Variants in DCC observed in about 807,000 individuals in gnomAD.
DCC encodes netrin receptor DCC.
In DCC, 58 loss-of-function variants were observed where a neutral mutation model predicts 172.5. That is an observed-to-expected ratio of 0.34 (90% CI 0.27 to 0.42). DCC has a LOEUF of 0.42. DCC is among the 10% of genes least tolerant of loss of function. The pLI is 1.00. For missense variants in DCC, 1,740 were observed against 1,791.0 expected, an observed-to-expected ratio of 0.97 and a Z score of 0.51; for synonymous variants, 709 against 644.5, an observed-to-expected ratio of 1.10 and a Z score of -1.52.
At chr18:53,076,402 C>G (rs765053197) in intron 7 of DCC, among the ~76,000 whole-genome samples, 6 of 152,058 alleles carry the variant, frequency 3.9e-5, no homozygotes, top group Non-Finnish European at 8.8e-5. Flanking sequence ...TAGACATATA[C>G]TAGACCCTAG....
At chr18:52,411,929 C>G (rs772268294) in intron 1 of DCC, among the ~76,000 whole-genome samples, 3 of 152,124 alleles carry the variant, frequency 2.0e-5, no homozygotes, top group Non-Finnish European at 4.4e-5. Context: ...TTCCATGCAT[C>G]TCAGCCCACG....
At chr18:53,289,427 A>C (rs2056974515) in intron 12 of DCC, among the ~76,000 whole-genome samples, 1 of 152,084 alleles carries the variant, frequency 6.6e-6, no homozygotes. Context: ...TCAAAAGGGG[A>C]CTATAGTATG....
chr18:52,591,178 T>C (rs996474277), intron 1 of DCC, among the ~76,000 whole-genome samples: 8 of 152,288 alleles, frequency 5.3e-5, no homozygotes, highest in Non-Finnish European at 1.0e-4. Context: ...TAATCCAATA[T>C]AGGAAAATTC....
At chr18:52,530,663 G>A (rs1332423139) in intron 1 of DCC, among the ~76,000 whole-genome samples, 3 of 152,114 alleles carry the variant, frequency 2.0e-5, no homozygotes, top group Non-Finnish European at 4.4e-5. Context: ...CAGGGAAAAT[G>A]AATGAAATTA....
At chr18:52,778,504 A>T (rs2037475707) in intron 2 of DCC, among the ~76,000 whole-genome samples, 1 of 152,198 alleles carries the variant, frequency 6.6e-6, no homozygotes, top group Admixed American at 6.5e-5. Context: ...AAGACATTCT[A>T]AATCCAAACA....
chr18:52,930,636 TATTAA>T lies in DCC; in HGVS notation c.985+5272_985+5276del, dbSNP rs573011347. Among the ~76,000 whole-genome samples, 542 of 152,312 alleles carry T rather than the reference TATTAA, an allele frequency of 3.6e-3. 1 individual carries two copies. Among genetic ancestry groups the T allele is most frequent in the Non-Finnish European group, 5.8e-3 (392 of 68,016 alleles). On this transcript the variant is annotated intron_variant, in intron 5 of 28. Transcript: ENST00000442544. ...GTCTCCTTGTAAGTATTTATATTCC[TATTAA>T]ATTAAGATTTCATTTTATAGTTTTC...
intron 24 of DCC, among the ~76,000 whole-genome samples, chr18:53,466,188 G>C (rs1218239726): frequency 6.6e-6 from 1 of 152,176 alleles, no homozygotes; most frequent in Non-Finnish European, 1.5e-5. Flanking sequence ...CATAACAGGT[G>C]CAATCACAGG....
chr18:52,660,294 C>T (rs1180854914), intron 1 of DCC, among the ~76,000 whole-genome samples: 1 of 152,100 alleles, frequency 6.6e-6, no homozygotes, highest in Non-Finnish European at 1.5e-5. Context: ...CTTTTGTGTG[C>T]AAAGTTCCTC....
At chr18:53,449,140 G>A (rs2045374197) in intron 22 of DCC, among the ~76,000 whole-genome samples, 1 of 152,132 alleles carries the variant, frequency 6.6e-6, no homozygotes, top group Non-Finnish European at 1.5e-5. Flanking sequence ...GGTTATTAAA[G>A]AAAAATAATC....
intron 5 of DCC, among the ~76,000 whole-genome samples, chr18:52,982,467 C>T (rs138402029): frequency 6.6e-6 from 1 of 152,260 alleles, no homozygotes; most frequent in African/African-American, 2.4e-5. Context: ...GTTCATTGCC[C>T]TTCTTGCCTG....
intron 1 of DCC, among the ~76,000 whole-genome samples, chr18:52,735,145 A>G (rs1391721552): frequency 1.3e-5 from 2 of 152,090 alleles, no homozygotes; most frequent in Non-Finnish European, 2.9e-5. Flanking sequence ...CCTCCATGTC[A>G]GACACTCAGG....
At chr18:52,949,431 CAAG>C (rs1371052494) in intron 5 of DCC, among the ~76,000 whole-genome samples, 1 of 152,196 alleles carries the variant, frequency 6.6e-6, no homozygotes, top group African/African-American at 2.4e-5. Context: ...AAAATGTAAT[CAAG>C]AAGAACAGTT....
At chr18:53,131,229 G>A (rs1214501848) in intron 7 of DCC, among the ~76,000 whole-genome samples, 1 of 151,774 alleles carries the variant, frequency 6.6e-6, no homozygotes, top group Non-Finnish European at 1.5e-5. Context: ...TACTATCTTT[G>A]AAAAAAATAC....
At chr18:52,470,644 TAA>T (rs1422094365) in intron 1 of DCC, among the ~76,000 whole-genome samples, 4 of 152,216 alleles carry the variant, frequency 2.6e-5, no homozygotes, top group African/African-American at 9.6e-5. Flanking sequence ...TTCAAATACA[TAA>T]GTCAGGAACC....
rs141293808 is a variant in DCC at position 52,351,014 on chromosome 18, G to A, written c.91+10136G>A. 2.0e-3 allele frequency among the ~76,000 whole-genome samples: 312 copies of A among 152,272 alleles called. 1 individual carries two copies. Among genetic ancestry groups the A allele is most frequent in the African/African-American group, 7.2e-3 (299 of 41,546 alleles). ...TGTTAACAAACCCACAATTCCAAAT[G>A]AGATAAGGCTTTAAAGAAAGAAAAT... On this transcript the variant is annotated intron_variant, in intron 1 of 28. Transcript: ENST00000442544.
intron 1 of DCC, among the ~76,000 whole-genome samples, chr18:52,408,027 T>C (rs1986712799): frequency 6.6e-6 from 1 of 152,132 alleles, no homozygotes; most frequent in Non-Finnish European, 1.5e-5. Context: ...GCAAACTTTG[T>C]ATCTACTTAT....
At chr18:52,643,996 T>C (rs2034961503) in intron 1 of DCC, among the ~76,000 whole-genome samples, 1 of 152,188 alleles carries the variant, frequency 6.6e-6, no homozygotes, top group African/African-American at 2.4e-5. Context: ...TATGCTTTTT[T>C]GATCATATCA....
intron 1 of DCC, among the ~76,000 whole-genome samples, chr18:52,521,059 A>G (rs939134187): frequency 1.3e-5 from 2 of 152,152 alleles, no homozygotes; most frequent in Non-Finnish European, 2.9e-5. Flanking sequence ...AAAGCCAAAA[A>G]TTCTGTTGAG....
At chr18:52,738,098 C>T (rs572717012) in intron 1 of DCC, among the ~76,000 whole-genome samples, 1 of 152,082 alleles carries the variant, frequency 6.6e-6, no homozygotes, top group African/African-American at 2.4e-5. Context: ...GTCCACAGAG[C>T]GCAAAAAAAT....
Sources: gnomAD v4.1 joint callset for allele counts (sites outside exome capture counted in the v4.1 genomes callset) on GRCh38, gnomAD v4.1.1 for gene constraint, MANE v1.5 for transcripts, NCBI Gene and HGNC (gene_info 2026-07-23, HGNC 2026-07-21) for gene names.